KCTD2: variants seen among roughly 807,000 people sequenced by gnomAD.
The protein encoded by KCTD2 is BTB/POZ domain-containing protein KCTD2.
KCTD2 carries 18 observed loss-of-function variants against 27.9 expected under a neutral mutation model. The observed-to-expected ratio is 0.64, with a 90% CI of 0.45 to 0.96. KCTD2 has a LOEUF of 0.96. Ranked by LOEUF, KCTD2 falls within the 40% of genes least tolerant of loss-of-function variation. KCTD2 has a pLI of 0.00. For missense variants in KCTD2, 280 were observed against 348.0 expected (o/e 0.80, Z 1.56); for synonymous variants, 175 against 148.4 (o/e 1.18, Z -1.30).
At position 75,047,228 on chromosome 17, in the gene KCTD2, AGCGGTGGCGGCG is replaced by A. The variant is rs2144921867; in HGVS notation, c.-17_-6del. ...GCCGGCCCGGCTGCGCGCGGGCAGCAGCGGTGGCGGCGGCGGTCCAAGATGGCGGAACTGCAG... is the reference window on the plus strand; with the variant it reads ...GCCGGCCCGGCTGCGCGCGGGCAGCAGCGGTCCAAGATGGCGGAACTGCAG... On this transcript the variant is annotated 5_prime_UTR_variant, in exon 1 of 6. Transcript: ENST00000322444. 1 of 662,536 alleles carries A rather than the reference AGCGGTGGCGGCG, an allele frequency of 1.5e-6. No homozygotes were observed. Among genetic ancestry groups the A allele is most frequent in the African/African-American group, 2.0e-5 (1 of 50,890 alleles). The allele number at this position is 662,536 out of a possible 1,614,324, so 41.0% of individuals were successfully genotyped here.
intron 5 of KCTD2, 74 bp downstream of exon 5, chr17:75,062,319 T>G: frequency 7.0e-7 from 1 of 1,438,814 alleles, no homozygotes; most frequent in Non-Finnish European, 9.4e-7. Flanking sequence ...TTTCCTGAAC[T>G]CTTGCTCCTC....
At position 75,059,679 on chromosome 17, in the gene KCTD2, A is replaced by G. The variant is rs968593337; in HGVS notation, c.636+74A>G. 3.5e-5 allele frequency: 41 copies of G among 1,162,606 alleles called. No individual in the cohort carries two copies. The Middle Eastern group carries it at 6.1e-4, about 17-fold the overall frequency. The allele number at this position is 1,162,606 out of a possible 1,614,324, so 72.0% of individuals were successfully genotyped here. Reference sequence around the variant, plus strand: ...GCAGCTCTTCAAACAATCAGTGTGGATGGCCAATTAATAACCACGGGAGAC... The same window carrying G: ...GCAGCTCTTCAAACAATCAGTGTGGGTGGCCAATTAATAACCACGGGAGAC... On this transcript the variant is annotated intron_variant, in intron 4 of 5. Transcript: ENST00000322444.
intron 3 of KCTD2, chr17:75,040,399 C>T (rs2073146946): frequency 9.5e-6 from 5 of 525,890 alleles, no homozygotes; most frequent in Admixed American, 3.5e-5. Context: ...ATCACTAACT[C>T]GGAACCCTGG....
At chr17:75,046,723 C>G (rs1225596016), upstream of KCTD2, among the ~76,000 whole-genome samples, 1 of 152,272 alleles carries the variant, frequency 6.6e-6, no homozygotes, top group Non-Finnish European at 1.5e-5. Flanking sequence ...GCCGGGCCCC[C>G]CTGACCCCGC....
intron 3 of KCTD2, chr17:75,039,445 A>G (rs1021799647): frequency 3.4e-6 from 2 of 596,774 alleles, no homozygotes; most frequent in African/African-American, 3.7e-5. Flanking sequence ...TTTTCTTAAC[A>G]CTCACAGAGA....
upstream of KCTD2, chr17:75,046,947 C>A (rs984427386): frequency 1.2e-5 from 2 of 163,698 alleles, no homozygotes; most frequent in Non-Finnish European, 2.6e-5. Context: ...TGGCTGCCCA[C>A]GGTCCTCCGC....
intron 2 of KCTD2, among the ~76,000 whole-genome samples, chr17:75,051,262 G>A (rs534437517): frequency 7.8e-4 from 111 of 141,560 alleles, no homozygotes; most frequent in African/African-American, 2.8e-3. Context: ...ACAGACATGA[G>A]CCACCGCGCC....
intron 3 of KCTD2, among the ~76,000 whole-genome samples, 176 bp downstream of exon 3, chr17:75,053,281 GAA>G (rs1567992168): frequency 6.6e-6 from 1 of 152,164 alleles, no homozygotes; most frequent in Non-Finnish European, 1.5e-5. Context: ...AAACCACAAA[GAA>G]AACAGAATAG....
chr17:75,034,486 C>G (rs1472641464), intron 2 of KCTD2, among the ~76,000 whole-genome samples: 2 of 152,164 alleles, frequency 1.3e-5, no homozygotes, highest in Non-Finnish European at 2.9e-5. Context: ...AGTGCCTTAT[C>G]CATTAGGCCA....
At chr17:75,039,580 T>C in intron 3 of KCTD2, 1 of 353,388 alleles carries the variant, frequency 2.8e-6, no homozygotes, top group Non-Finnish European at 5.2e-6. Context: ...ACACGCCACC[T>C]GAGCACCTAG....
At chr17:75,036,380 C>T (rs749677365) in intron 3 of KCTD2, among the ~76,000 whole-genome samples, 11 of 152,208 alleles carry the variant, frequency 7.2e-5, no homozygotes, top group Non-Finnish European at 1.0e-4. Flanking sequence ...CTCGGCCTCC[C>T]GAAGTGTTGT....
chr17:75,055,171 C>T (rs1434177163), intron 3 of KCTD2, among the ~76,000 whole-genome samples: 1 of 152,006 alleles, frequency 6.6e-6, no homozygotes. Context: ...TCTCATGTCT[C>T]AGCCACCTGA....
intron 3 of KCTD2, chr17:75,039,261 C>G: frequency 6.2e-7 from 1 of 1,614,132 alleles, no homozygotes; most frequent in Non-Finnish European, 8.5e-7. Flanking sequence ...CCACTCAGCA[C>G]AAGATTTCAC....
chr17:75,045,135 G>A (rs184136763), upstream of KCTD2, among the ~76,000 whole-genome samples: 19 of 152,272 alleles, frequency 1.2e-4, 1 homozygote, highest in East Asian at 2.7e-3. Context: ...GGTAGGATCC[G>A]TGATGCCCCA....
intron 3 of KCTD2, among the ~76,000 whole-genome samples, chr17:75,036,267 C>G (rs2040113628): frequency 6.6e-6 from 1 of 151,834 alleles, no homozygotes; most frequent in South Asian, 2.1e-4. Context: ...GGGCTACAGG[C>G]GCCCGCCACC....
intron 3 of KCTD2, chr17:75,039,059 T>C (rs1400550664): frequency 1.2e-6 from 2 of 1,613,818 alleles, no homozygotes; most frequent in African/African-American, 2.7e-5. Flanking sequence ...CTTCATCTTC[T>C]CCATCTGGAA....
intron 2 of KCTD2, among the ~76,000 whole-genome samples, chr17:75,034,930 G>A (rs1269202090): frequency 1.3e-5 from 2 of 152,102 alleles, no homozygotes; most frequent in Admixed American, 6.5e-5. Flanking sequence ...GCAATTCCCA[G>A]GGAGGCTCAG....
At chr17:75,058,329 A>G (rs894972572) in intron 3 of KCTD2, among the ~76,000 whole-genome samples, 3 of 143,512 alleles carry the variant, frequency 2.1e-5, no homozygotes, top group African/African-American at 8.1e-5. Flanking sequence ...TCTCTCAAAA[A>G]AAAAAAAGGA....
upstream of KCTD2, chr17:75,042,383 TTCCTC>T (rs1357170828): frequency 1.7e-5 from 26 of 1,504,096 alleles, no homozygotes; most frequent in African/African-American, 1.3e-4. Context: ...TCACCACACT[TTCCTC>T]TCCTAAGATC....
Sources: allele counts gnomAD v4.1 joint callset (sites outside exome capture counted in the v4.1 genomes callset), GRCh38; gene constraint gnomAD v4.1.1; transcripts MANE v1.5; gene names NCBI Gene and HGNC (gene_info 2026-07-23, HGNC 2026-07-21).